The following R3HDM1 variants were observed in gnomAD, a reference collection of about 807,000 sequenced individuals.
R3HDM1 encodes R3H domain-containing protein 1.
In R3HDM1, 46 loss-of-function variants were observed where a neutral mutation model predicts 141.1. The observed-to-expected ratio is 0.33, with a 90% CI of 0.26 to 0.42. R3HDM1 has a LOEUF of 0.42. Ranked by LOEUF, R3HDM1 falls within the 10% of genes least tolerant of loss-of-function variation. The pLI, the probability that R3HDM1 is intolerant of heterozygous loss-of-function variation, is 1.00. For synonymous variants in R3HDM1, 435 were observed against 472.9 expected (o/e 0.92, Z 1.04); for missense variants, 1,184 against 1,368.3 (o/e 0.87, Z 2.12).
rs142423443 is a variant in R3HDM1, at chr2:135,548,976, C to T, written c.-250+17343C>T. ...AATACAAAATTCAGTCAATTTAATA[C>T]TGTCAAACGTTTTATGATTTCTTGT... On this transcript the variant is annotated intron_variant, in intron 1 of 26. Transcript: ENST00000683871. 5.0e-3 allele frequency among the ~76,000 whole-genome samples: 758 copies of T among 152,236 alleles called. 3 individuals carry two copies. Among genetic ancestry groups the T allele is most frequent in the Middle Eastern group, 0.01 (3 of 294 alleles).
intron 3 of R3HDM1, among the ~76,000 whole-genome samples, chr2:135,614,558 G>T (rs112016980): frequency 6.6e-6 from 1 of 152,104 alleles, no homozygotes; most frequent in East Asian, 1.9e-4. Context: ...TTTGACCATG[G>T]TTACCCACTA....
At chr2:135,565,279 T>C (rs115673545) in intron 1 of R3HDM1, among the ~76,000 whole-genome samples, 1,554 of 151,332 alleles carry the variant, frequency 0.01, 25 homozygotes, top group African/African-American at 0.036. Flanking sequence ...TGAGCCCTCC[T>C]TGCACTTGGC....
chr2:135,537,264 A>AGCAT (rs1003046832), intron 1 of R3HDM1, among the ~76,000 whole-genome samples: 5 of 141,688 alleles, frequency 3.5e-5, no homozygotes, highest in African/African-American at 1.3e-4. Context: ...AGCTAAAGTG[A>AGCAT]GCATTAGTCT....
intron 1 of R3HDM1, among the ~76,000 whole-genome samples, chr2:135,532,005 G>T (rs2104861569): frequency 6.6e-6 from 1 of 152,328 alleles, no homozygotes; most frequent in African/African-American, 2.4e-5. Flanking sequence ...CCCTGCCATG[G>T]CTGCTGCTGC....
chr2:135,594,388 G>A lies in R3HDM1; in HGVS notation c.-249-8112G>A, dbSNP rs1460710990. ...ATTTAGCCTATTATATAGCCAAGTA[G>A]CATCTGAGCTTTCTCATTTGCATCA... On this transcript the variant is annotated intron_variant, in intron 1 of 26. Coordinates refer to ENST00000683871, the MANE Select transcript of R3HDM1 (RefSeq NM_001378107.1). Among the ~76,000 whole-genome samples the A allele has an allele frequency of 3.3e-5, 5 of 152,270 alleles. No homozygotes were observed. In the East Asian group the frequency reaches 9.7e-4, roughly 29 times the overall value.
At chr2:135,609,275 T>C (rs2060325754) in intron 3 of R3HDM1, among the ~76,000 whole-genome samples, 1 of 152,346 alleles carries the variant, frequency 6.6e-6, no homozygotes, top group Admixed American at 6.5e-5. Context: ...GTTGTGTTTC[T>C]TATTCAGGGT....
intron 24 of R3HDM1, among the ~76,000 whole-genome samples, chr2:135,720,793 G>T (rs1489922420): frequency 6.6e-6 from 1 of 152,188 alleles, no homozygotes; most frequent in Non-Finnish European, 1.5e-5. Context: ...ATGTAAATGT[G>T]TACATGCATA....
Position 135,616,208 on chromosome 2 carries a change from T to G in R3HDM1, c.213+15T>G, listed in dbSNP as rs765548225. ...AAAGGTCTAAGGTATAGTAAATATT[T>G]TGGTGTGCTGGCATGCCAAGGGCCT... On this transcript the variant is annotated intron_variant, in intron 4 of 26. Transcript: ENST00000683871. 8 of 1,608,696 alleles carry G rather than the reference T, an allele frequency of 5.0e-6. No individual in the cohort carries two copies. In the Admixed American group the frequency reaches 1.3e-4, roughly 27 times the overall value.
intron 21 of R3HDM1, among the ~76,000 whole-genome samples, chr2:135,705,373 A>T (rs954259946): frequency 8.5e-5 from 13 of 152,214 alleles, no homozygotes; most frequent in Non-Finnish European, 1.5e-5. Flanking sequence ...ACCCAAATAC[A>T]TGGTGCTTTG....
At chr2:135,659,208 C>T (rs185501482) in intron 18 of R3HDM1, among the ~76,000 whole-genome samples, 1 of 152,170 alleles carries the variant, frequency 6.6e-6, no homozygotes, top group Non-Finnish European at 1.5e-5. Context: ...AGCAATTCTC[C>T]CACCTCAGCC....
chr2:135,671,691 T>A (rs1178762953), intron 19 of R3HDM1, among the ~76,000 whole-genome samples: 2 of 151,840 alleles, frequency 1.3e-5, no homozygotes, highest in East Asian at 3.9e-4. Flanking sequence ...AAATTTAAAT[T>A]CAGGTTGGGC....
At chr2:135,591,121 C>T (rs1709172555) in intron 1 of R3HDM1, among the ~76,000 whole-genome samples, 1 of 152,160 alleles carries the variant, frequency 6.6e-6, no homozygotes, top group South Asian at 2.1e-4. Context: ...ACCAATTCAA[C>T]TGCTAGAGAA....
chr2:135,573,530 CTTTTT>C (rs564163824), intron 1 of R3HDM1, among the ~76,000 whole-genome samples: 1 of 137,980 alleles, frequency 7.2e-6, no homozygotes, highest in African/African-American at 2.7e-5. Flanking sequence ...TCTGAAAATT[CTTTTT>C]TTTTTTTTTA....
intron 1 of R3HDM1, among the ~76,000 whole-genome samples, chr2:135,585,711 T>G (rs1024142343): frequency 3.3e-5 from 5 of 152,222 alleles, no homozygotes; most frequent in African/African-American, 1.2e-4. Flanking sequence ...AGTCCGCCAC[T>G]TGAGCTAATA....
chr2:135,582,574 G>A (rs1233395231), intron 1 of R3HDM1, among the ~76,000 whole-genome samples: 2 of 152,134 alleles, frequency 1.3e-5, no homozygotes, highest in Non-Finnish European at 2.9e-5. Context: ...AGCTTACTCA[G>A]TACAGGGTGC....
At chr2:135,668,749 C>T (rs1051579221) in intron 19 of R3HDM1, among the ~76,000 whole-genome samples, 1 of 152,238 alleles carries the variant, frequency 6.6e-6, no homozygotes, top group East Asian at 1.9e-4. Flanking sequence ...AAAGCTGGCA[C>T]TGCCCTGCTG....
At chr2:135,629,614 A>G (rs1207640632) in intron 7 of R3HDM1, among the ~76,000 whole-genome samples, 1 of 152,240 alleles carries the variant, frequency 6.6e-6, no homozygotes, top group African/African-American at 2.4e-5. Flanking sequence ...GAAAGAATAT[A>G]AGAATATTTC....
At chr2:135,581,570 G>A (rs1435972040) in intron 1 of R3HDM1, among the ~76,000 whole-genome samples, 1 of 152,116 alleles carries the variant, frequency 6.6e-6, no homozygotes, top group Non-Finnish European at 1.5e-5. Context: ...ATTTAGGATT[G>A]TTTATTTGCT....
At chr2:135,682,622 T>G (rs1024860493) in intron 21 of R3HDM1, among the ~76,000 whole-genome samples, 1 of 152,200 alleles carries the variant, frequency 6.6e-6, no homozygotes, top group African/African-American at 2.4e-5. Flanking sequence ...AAGAGCTAGC[T>G]TTGGCCTGAG....
Sources: gnomAD v4.1 joint callset for allele counts (sites outside exome capture counted in the v4.1 genomes callset) on GRCh38, gnomAD v4.1.1 for gene constraint, MANE v1.5 for transcripts, NCBI Gene and HGNC (gene_info 2026-07-23, HGNC 2026-07-21) for gene names.